RBBP8: variants seen among roughly 807,000 people sequenced by gnomAD.
RBBP8 encodes the protein RB binding protein 8, endonuclease, also known as DNA endonuclease RBBP8.
RBBP8 carries 88 observed loss-of-function variants against 108.3 expected under a neutral mutation model. The observed-to-expected ratio is 0.81, with a 90% CI of 0.68 to 0.97. The LOEUF is 0.97. Ranked by LOEUF, RBBP8 falls within the 50% of genes least tolerant of loss-of-function variation. RBBP8 has a pLI of 0.00. For missense variants in RBBP8, 1,023 were observed against 1,049.0 expected (o/e 0.98, Z 0.34); for synonymous variants, 332 against 348.2 (o/e 0.95, Z 0.52).
At chr18:22,982,823 T>A (rs1405406828) in intron 7 of RBBP8, among the ~76,000 whole-genome samples, 1 of 152,212 alleles carries the variant, frequency 6.6e-6, no homozygotes, top group African/African-American at 2.4e-5. Context: ...TATCAGCTCT[T>A]TTGTTTTATA....
chr18:22,916,405 G>A (rs1909356433), intron 2 of RBBP8, among the ~76,000 whole-genome samples: 1 of 151,808 alleles, frequency 6.6e-6, no homozygotes. Flanking sequence ...CCAAAATATA[G>A]CTAAGTCACT....
chr18:22,968,653 A>G (rs984952356), intron 4 of RBBP8, among the ~76,000 whole-genome samples, 153 bp from the exon 5 acceptor site: 2 of 152,234 alleles, frequency 1.3e-5, no homozygotes, highest in Non-Finnish European at 2.9e-5. Flanking sequence ...TTCAGCCTAT[A>G]TAAGAATATG....
chr18:22,980,971 T>TTTTTTTTTG (rs1914884630), intron 6 of RBBP8, among the ~76,000 whole-genome samples: 1 of 71,582 alleles, frequency 1.4e-5, no homozygotes, highest in Non-Finnish European at 2.8e-5. Context: ...ATGTCTTTTT[T>TTTTTTTTTG]TTTTTTTTTT....
intron 17 of RBBP8, 30 bp from the exon 18 acceptor site, chr18:23,022,099 G>A: frequency 6.6e-7 from 1 of 1,519,362 alleles, no homozygotes; most frequent in East Asian, 2.3e-5. Flanking sequence ...TTATTCTTTA[G>A]TGAAAAAACT....
chr18:22,950,446 G>C (rs151257623), intron 4 of RBBP8, among the ~76,000 whole-genome samples: 14 of 152,120 alleles, frequency 9.2e-5, no homozygotes, highest in African/African-American at 3.4e-4. Context: ...AGCTGAGCAT[G>C]ATGGCCTGAA....
intron 14 of RBBP8, among the ~76,000 whole-genome samples, chr18:22,998,975 G>A (rs184894037): frequency 6.6e-6 from 1 of 152,180 alleles, no homozygotes; most frequent in African/African-American, 2.4e-5. Flanking sequence ...AGATTATTTT[G>A]TTCCTGATAC....
At chr18:23,003,138 T>C (rs1281634583) in intron 15 of RBBP8, among the ~76,000 whole-genome samples, 1 of 152,164 alleles carries the variant, frequency 6.6e-6, no homozygotes, top group Non-Finnish European at 1.5e-5. Flanking sequence ...CTCACAACTT[T>C]TCTCTCACAA....
At chr18:22,919,995 A>T (rs1046506156) in intron 3 of RBBP8, among the ~76,000 whole-genome samples, 6 of 152,186 alleles carry the variant, frequency 3.9e-5, no homozygotes, top group Admixed American at 3.3e-4. Flanking sequence ...ATTGCAAAGA[A>T]GGCAGGAAAA....
chr18:23,025,858 T>A (rs959292597), intron 18 of RBBP8, among the ~76,000 whole-genome samples: 4 of 152,206 alleles, frequency 2.6e-5, no homozygotes, highest in Admixed American at 1.3e-4. Context: ...CTTCCTTGGG[T>A]CTCTATTACC....
At chr18:22,996,122 C>G (rs556620447) in intron 12 of RBBP8, among the ~76,000 whole-genome samples, 2 of 152,216 alleles carry the variant, frequency 1.3e-5, no homozygotes, top group East Asian at 3.9e-4. Flanking sequence ...GTTGAGCATC[C>G]TTTCATGTTT....
chr18:23,003,346 A>G (rs2045979757), intron 15 of RBBP8, among the ~76,000 whole-genome samples: 1 of 152,198 alleles, frequency 6.6e-6, no homozygotes, highest in Non-Finnish European at 1.5e-5. Flanking sequence ...CCAGTCACCC[A>G]GGCATATAAT....
chr18:23,022,613 A>AAAATAAAATAAAATAAAAT (rs2046366849), intron 18 of RBBP8, among the ~76,000 whole-genome samples: 2 of 88,934 alleles, frequency 2.2e-5, no homozygotes, highest in African/African-American at 6.1e-5. Flanking sequence ...AAAATAAAAT[A>AAAATAAAATAAAATAAAAT]AAATAAAATA....
chr18:22,973,001 G>A (rs1914231828), intron 5 of RBBP8, among the ~76,000 whole-genome samples: 1 of 152,098 alleles, frequency 6.6e-6, no homozygotes, highest in Admixed American at 6.5e-5. Context: ...GCCTTTTCTT[G>A]TGTCTACTAT....
Position 22,993,790 on chromosome 18 carries a change from G to T in RBBP8, c.1882G>T (p.Val628Phe), listed in dbSNP as rs1402621979. Residue 628 changes from valine (V) to phenylalanine (F), a missense_variant, in exon 12 of 19, where the codon GTT (valine) becomes TTT (phenylalanine). Physicochemically the swap from Val to Phe is conservative, Grantham distance 50. Coordinates refer to ENST00000327155, the MANE Select transcript of RBBP8 (RefSeq NM_002894.3). The part of the protein sequence containing the change: ...SDHGGCELAS[V>F]LQLNPCRTGK... ...CCATGGAGGATGTGAACTTGCATCAGTTCTTCAGTTAAATCCATGTAGAAC... is the reference window on the plus strand; with the variant it reads ...CCATGGAGGATGTGAACTTGCATCATTTCTTCAGTTAAATCCATGTAGAAC... The T allele has an allele frequency of 6.2e-7, 1 of 1,613,872 alleles. No individual in the cohort carries two copies.
At chr18:22,949,456 C>G (rs1252005205) in intron 3 of RBBP8, among the ~76,000 whole-genome samples, 162 bp from the exon 4 acceptor site, 3 of 152,158 alleles carry the variant, frequency 2.0e-5, no homozygotes, top group Non-Finnish European at 4.4e-5. Context: ...AGAGAAAATT[C>G]TGGTATAATT....
intron 12 of RBBP8, among the ~76,000 whole-genome samples, chr18:22,994,861 G>A (rs1982565): frequency 0.21 from 31,475 of 151,242 alleles, 3,551 homozygotes; most frequent in East Asian, 0.39. Context: ...GGATAGCTGG[G>A]ACTACAAGCA....
chr18:22,934,294 T>C (rs1321307022), intron 1 of RBBP8: 1 of 152,316 alleles, frequency 6.6e-6, no homozygotes, highest in African/African-American at 2.4e-5. Context: ...CGAGCCAGAA[T>C]TTGCAAGTTG....
At chr18:22,946,820 T>C (rs1453277477) in intron 3 of RBBP8, among the ~76,000 whole-genome samples, 1 of 152,168 alleles carries the variant, frequency 6.6e-6, no homozygotes, top group Non-Finnish European at 1.5e-5. Context: ...GCGGAGTTCT[T>C]TGTTGAGCCA....
intron 10 of RBBP8, among the ~76,000 whole-genome samples, chr18:22,992,227 G>T (rs1214490143): frequency 1.3e-5 from 2 of 152,160 alleles, no homozygotes; most frequent in Admixed American, 6.5e-5. Context: ...TTGTTTGTTT[G>T]TTTCTTGAGA....
Sources: gnomAD v4.1 joint callset for allele counts (sites outside exome capture counted in the v4.1 genomes callset) on GRCh38, gnomAD v4.1.1 for gene constraint, MANE v1.5 for transcripts, NCBI Gene and HGNC (gene_info 2026-07-23, HGNC 2026-07-21) for gene names.